Variants in FLT1 observed in about 807,000 individuals in gnomAD.
FLT1 encodes the protein vascular endothelial growth factor receptor 1.
In FLT1, 49 loss-of-function variants were observed where a neutral mutation model predicts 156.3. The ratio of observed to expected loss-of-function variants is 0.31; its 90% CI spans 0.25 to 0.40. The LOEUF (loss-of-function observed/expected upper bound fraction) is 0.40. FLT1 is among the 10% of genes least tolerant of loss of function. The pLI is 1.00. For synonymous variants in FLT1, 594 were observed against 583.8 expected (o/e 1.02, Z -0.25); for missense variants, 1,322 against 1,637.2 (o/e 0.81, Z 3.32).
intron 9 of FLT1, among the ~76,000 whole-genome samples, chr13:28,427,531 G>A (rs904226835): frequency 1.4e-4 from 22 of 152,108 alleles, no homozygotes; most frequent in African/African-American, 5.3e-4. Context: ...TGATTCCATG[G>A]TATGTACATT....
At chr13:28,391,636 G>A (rs1273768010) in intron 12 of FLT1, among the ~76,000 whole-genome samples, 2 of 152,214 alleles carry the variant, frequency 1.3e-5, no homozygotes, top group Non-Finnish European at 2.9e-5. Context: ...TCCTGAGGCT[G>A]TGTCACAGAC....
chr13:28,357,178 C>T (rs1872926944), intron 15 of FLT1, among the ~76,000 whole-genome samples: 1 of 150,912 alleles, frequency 6.6e-6, no homozygotes, highest in Non-Finnish European at 1.5e-5. Context: ...GCGAGTTCCC[C>T]CTCCTCACCT....
chr13:28,399,125 G>T (rs1032067256), intron 11 of FLT1: 66 of 1,545,926 alleles, frequency 4.3e-5, no homozygotes, highest in Non-Finnish European at 5.7e-5. Flanking sequence ...GAAGCTGGAA[G>T]ACAGGAGAGA....
intron 12 of FLT1, among the ~76,000 whole-genome samples, chr13:28,393,095 C>T (rs1874835606): frequency 6.6e-6 from 1 of 152,096 alleles, no homozygotes; most frequent in South Asian, 2.1e-4. Flanking sequence ...ACTTAAGTAT[C>T]TGTGGCGAAT....
intron 14 of FLT1, among the ~76,000 whole-genome samples, chr13:28,377,784 C>T (rs1648236801): frequency 6.6e-6 from 1 of 152,134 alleles, no homozygotes. Flanking sequence ...TTATACATGT[C>T]TAGTTTTTTA....
At chr13:28,399,135 A>G in intron 11 of FLT1, 1 of 1,523,408 alleles carries the variant, frequency 6.6e-7, no homozygotes, top group Non-Finnish European at 8.9e-7. Flanking sequence ...GACAGGAGAG[A>G]TCGTCAAATA....
At chr13:28,399,431 C>T (rs1274614140) in intron 11 of FLT1, among the ~76,000 whole-genome samples, 2 of 152,074 alleles carry the variant, frequency 1.3e-5, no homozygotes, top group East Asian at 3.8e-4. Flanking sequence ...ATCTATGAGT[C>T]ATGTTTGGGT....
intron 23 of FLT1, among the ~76,000 whole-genome samples, chr13:28,319,903 G>A: frequency 6.6e-6 from 1 of 152,188 alleles, no homozygotes; most frequent in Non-Finnish European, 1.5e-5. Flanking sequence ...CCTGAAAACT[G>A]GTGGTGGTTT....
intron 1 of FLT1, among the ~76,000 whole-genome samples, chr13:28,475,272 T>C (rs992680971): frequency 6.6e-6 from 1 of 152,178 alleles, no homozygotes; most frequent in African/African-American, 2.4e-5. Context: ...TTTCCTTTTA[T>C]ATCAATTTTT....
chr13:28,357,889 T>TTTTTTTTC (rs1491354372), intron 14 of FLT1, among the ~76,000 whole-genome samples: 1 of 145,182 alleles, frequency 6.9e-6, no homozygotes, highest in Non-Finnish European at 1.5e-5. Flanking sequence ...TTTTTTTTTT[T>TTTTTTTTC]CTGCAGGCTT....
At chr13:28,474,485 GAC>G (rs57021123) in intron 1 of FLT1, among the ~76,000 whole-genome samples, 12,811 of 111,984 alleles carry the variant, frequency 0.11, 554 homozygotes, top group African/African-American at 0.13. Flanking sequence ...AACAACCACA[GAC>G]ACACACACAC....
In FLT1 at chr13:28,399,199, T is replaced by C. The variant is rs1482027752; in HGVS notation, c.1552-2131A>G. ...GAAGCTTAGACCCTTCAAAGCAGTA[T>C]GCAAAAAATTCAGAAACAAGGAGCT... is the stretch of plus-strand genomic sequence containing the variant. On this transcript the variant is annotated intron_variant, in intron 11 of 29. Coordinates refer to ENST00000282397, the MANE Select transcript of FLT1 (RefSeq NM_002019.4). 3 of 895,542 alleles carry C rather than the reference T, an allele frequency of 3.3e-6. No homozygotes were observed. The East Asian group carries it at 8.4e-5, about 25-fold the overall frequency. The allele number at this position is 895,542 out of a possible 1,614,324, so 55.5% of individuals were successfully genotyped here.
intron 3 of FLT1, among the ~76,000 whole-genome samples, chr13:28,465,290 C>T (rs1001079948): frequency 2.6e-5 from 4 of 152,108 alleles, no homozygotes; most frequent in South Asian, 2.1e-4. Flanking sequence ...TGATTGCATC[C>T]CTTGACGGCA....
chr13:28,487,257 G>C (rs1881216350), intron 1 of FLT1, among the ~76,000 whole-genome samples: 1 of 152,262 alleles, frequency 6.6e-6, no homozygotes. Flanking sequence ...CGGCCCTAGA[G>C]AGAGGCAAAG....
At position 28,321,352 on chromosome 13, in the gene FLT1, G is replaced by A. The variant is rs1014283092; in HGVS notation, c.3174+111C>T. The A allele has an allele frequency of 1.1e-5, 15 of 1,316,918 alleles. No individual in the cohort carries two copies. In the African/African-American group the frequency reaches 2.2e-4, roughly 19 times the overall value. The allele number at this position is 1,316,918 out of a possible 1,614,324, so 81.6% of individuals were successfully genotyped here. A position where few individuals can be genotyped will look rare whatever the true frequency, so the allele number is the denominator to read the frequency against. ...TCTGGACTGTTTGTCTTCACAGAAAGCCAATGATGGTTTTCAGGGACTACA... is the reference window on the plus strand; with the variant it reads ...TCTGGACTGTTTGTCTTCACAGAAAACCAATGATGGTTTTCAGGGACTACA... On this transcript the variant is annotated intron_variant, in intron 23 of 29. Transcript: ENST00000282397.
intron 3 of FLT1, 150 bp downstream of exon 3, chr13:28,466,753 C>G (rs1480489416): frequency 1.4e-6 from 1 of 709,030 alleles, no homozygotes; most frequent in South Asian, 1.5e-5. Context: ...AATTGACATC[C>G]ACGAAAGTGT....
chr13:28,363,974 T>G (rs1335507788), intron 14 of FLT1, among the ~76,000 whole-genome samples: 1 of 152,214 alleles, frequency 6.6e-6, no homozygotes, highest in Non-Finnish European at 1.5e-5. Flanking sequence ...TTAATCTACA[T>G]TTCCCTGATT....
intron 28 of FLT1, 140 bp downstream of exon 28, chr13:28,308,703 C>A (rs1870855725): frequency 2.8e-6 from 2 of 709,634 alleles, no homozygotes; most frequent in Non-Finnish European, 2.6e-6. Context: ...TGTCAGTCCT[C>A]CCCACACTGT....
At chr13:28,385,564 A>C in intron 13 of FLT1, 1 of 1,013,996 alleles carries the variant, frequency 9.9e-7, no homozygotes, top group Non-Finnish European at 1.2e-6. Context: ...GAACTTTGAA[A>C]GCTTTATTGG....
Sources: allele counts gnomAD v4.1 joint callset (sites outside exome capture counted in the v4.1 genomes callset), GRCh38; gene constraint gnomAD v4.1.1; transcripts MANE v1.5; gene names NCBI Gene and HGNC (gene_info 2026-07-23, HGNC 2026-07-21).